The following KAZN variants were observed in gnomAD, a reference collection of about 807,000 sequenced individuals.
The protein encoded by KAZN is kazrin, periplakin interacting protein.
KAZN carries 40 observed loss-of-function variants against 87.4 expected under a neutral mutation model. That is an observed-to-expected ratio of 0.46 (90% CI 0.36 to 0.60). KAZN has a LOEUF of 0.60. Ranked by LOEUF, KAZN falls within the 20% of genes least tolerant of loss-of-function variation. KAZN has a pLI of 0.00. For synonymous variants in KAZN, 466 were observed against 458.3 expected, an observed-to-expected ratio of 1.02 and a Z score of -0.22; for missense variants, 898 against 1,073.9, an observed-to-expected ratio of 0.84 and a Z score of 2.29.
At chr1:14,927,138 C>T (rs1659256111) in intron 1 of KAZN, among the ~76,000 whole-genome samples, 1 of 152,234 alleles carries the variant, frequency 6.6e-6, no homozygotes, top group South Asian at 2.1e-4. Flanking sequence ...CTCACTTTCC[C>T]TGTTGGCACC....
chr1:14,315,722 T>G (rs1023528832), intron 2 of KAZN, among the ~76,000 whole-genome samples: 2 of 152,086 alleles, frequency 1.3e-5, no homozygotes, highest in African/African-American at 4.8e-5. Context: ...GTGTTGCCTA[T>G]ATCAACAGTG....
intron 1 of KAZN, among the ~76,000 whole-genome samples, chr1:14,164,534 C>CT (rs1168650321): frequency 0.13 from 12,409 of 93,746 alleles, 1,858 homozygotes; most frequent in East Asian, 0.23. Context: ...TGAGTTTCCT[C>CT]TTTTTTTTTT....
At chr1:14,170,513 TA>T (rs1174143286) in intron 1 of KAZN, among the ~76,000 whole-genome samples, 3 of 152,026 alleles carry the variant, frequency 2.0e-5, no homozygotes, top group African/African-American at 7.2e-5. Context: ...AGTATCAACT[TA>T]AAAAAAATTG....
intron 2 of KAZN, among the ~76,000 whole-genome samples, chr1:14,258,997 G>T (rs958859883): frequency 2.9e-4 from 44 of 152,294 alleles, no homozygotes; most frequent in African/African-American, 1.0e-3. Context: ...AGGTAATCAC[G>T]GGGCTGGGCG....
chr1:14,054,772 T>G (rs560620755), intron 1 of KAZN, among the ~76,000 whole-genome samples: 1 of 152,200 alleles, frequency 6.6e-6, no homozygotes, highest in African/African-American at 2.4e-5. Flanking sequence ...CAAACATTTA[T>G]TGAGTTGTAG....
chr1:14,846,967 G>A (rs1648849913), intron 1 of KAZN, among the ~76,000 whole-genome samples: 2 of 152,190 alleles, frequency 1.3e-5, no homozygotes, highest in African/African-American at 4.8e-5. Context: ...GCAGGAACAT[G>A]CAGCCCCCTC....
At chr1:14,433,502 G>A (rs1666202222) in intron 2 of KAZN, among the ~76,000 whole-genome samples, 1 of 152,150 alleles carries the variant, frequency 6.6e-6, no homozygotes, top group Admixed American at 6.5e-5. Flanking sequence ...TTTTGAAAGG[G>A]AATTCGGGTT....
chr1:14,786,380 G>T (rs1645509069), intron 1 of KAZN, among the ~76,000 whole-genome samples: 1 of 152,134 alleles, frequency 6.6e-6, no homozygotes, highest in Non-Finnish European at 1.5e-5. Flanking sequence ...CATGATTTTT[G>T]CATATGGCAT....
At chr1:15,067,663 C>T in intron 8 of KAZN, 1 of 985,402 alleles carries the variant, frequency 1.0e-6, no homozygotes, top group Non-Finnish European at 1.2e-6. Flanking sequence ...TGTCCAAAGT[C>T]TCAAGAACAA....
intron 1 of KAZN, chr1:14,930,151 G>A (rs1417557241): frequency 2.7e-5 from 23 of 854,846 alleles, no homozygotes; most frequent in African/African-American, 1.5e-4. Context: ...CTCAGTCTAC[G>A]TGCTGGACAC....
At chr1:14,736,184 G>A (rs1312951400) in intron 1 of KAZN, among the ~76,000 whole-genome samples, 5 of 150,926 alleles carry the variant, frequency 3.3e-5, no homozygotes, top group Admixed American at 2.0e-4. Context: ...GCTAAAAATG[G>A]GAAGGGGGTA....
At chr1:14,010,185 G>A (rs1237326742) in intron 1 of KAZN, among the ~76,000 whole-genome samples, 1 of 151,898 alleles carries the variant, frequency 6.6e-6, no homozygotes, top group African/African-American at 2.4e-5. Context: ...TGCTCCTGGT[G>A]CACATTAAAG....
At chr1:14,939,667 AG>A (rs1201163288) in intron 1 of KAZN, among the ~76,000 whole-genome samples, 8 of 152,060 alleles carry the variant, frequency 5.3e-5, no homozygotes. Flanking sequence ...TGTGTACTTG[AG>A]GGTGTGCATT....
At chr1:14,775,001 G>A (rs905078471) in intron 1 of KAZN, among the ~76,000 whole-genome samples, 2 of 152,172 alleles carry the variant, frequency 1.3e-5, no homozygotes, top group African/African-American at 4.8e-5. Flanking sequence ...GGAGCTCCCA[G>A]GCCTGGGAAA....
chr1:14,360,439 C>T (rs1050902630), intron 2 of KAZN, among the ~76,000 whole-genome samples: 14 of 152,184 alleles, frequency 9.2e-5, no homozygotes, highest in Non-Finnish European at 1.8e-4. Flanking sequence ...AAGCCTACTT[C>T]TGTCAATTCA....
At chr1:14,956,897 C>T (rs1299718420) in intron 1 of KAZN, among the ~76,000 whole-genome samples, 1 of 152,182 alleles carries the variant, frequency 6.6e-6, no homozygotes, top group Non-Finnish European at 1.5e-5. Context: ...TTCTTCCTCA[C>T]CTGGCACCCA....
intron 1 of KAZN, among the ~76,000 whole-genome samples, chr1:14,872,181 TTCATACTGACTGGGGGACTTCTCTGGG>T (rs1436197768): frequency 6.6e-6 from 1 of 152,190 alleles, no homozygotes; most frequent in Non-Finnish European, 1.5e-5. Context: ...TAGCCTCTGC[TTCATACTGACTGGGGGACTTCTCTGGG>T]TTTGTTTTCT....
At chr1:14,727,418 G>A (rs1178660527) in intron 1 of KAZN, among the ~76,000 whole-genome samples, 1 of 135,406 alleles carries the variant, frequency 7.4e-6, no homozygotes, top group East Asian at 2.4e-4. Flanking sequence ...GTTTTGGGGT[G>A]ATTCAAGTCC....
chr1:14,982,815 G>A (rs1666396938), intron 2 of KAZN, among the ~76,000 whole-genome samples: 1 of 152,200 alleles, frequency 6.6e-6, no homozygotes, highest in African/African-American at 2.4e-5. Context: ...GCCTAGTGCT[G>A]GATCTTCCCA....
Sources: gnomAD v4.1 joint callset for allele counts (sites outside exome capture counted in the v4.1 genomes callset) on GRCh38, gnomAD v4.1.1 for gene constraint, MANE v1.5 for transcripts, NCBI Gene and HGNC (gene_info 2026-07-23, HGNC 2026-07-21) for gene names.